Variants in ME3 observed in about 807,000 individuals in gnomAD.
ME3 encodes NADP-dependent malic enzyme, mitochondrial.
A neutral mutation model predicts 68.9 loss-of-function variants in ME3; 48 were observed. That is an observed-to-expected ratio of 0.70 (90% CI 0.55 to 0.89). ME3 has a LOEUF of 0.89. ME3 is among the 40% of genes least tolerant of loss of function. The probability of loss-of-function intolerance (pLI) is 0.00; values close to 1 mark genes in which losing one functional copy is unlikely to be tolerated. For missense variants in ME3, 675 were observed against 797.4 expected, an observed-to-expected ratio of 0.85 and a Z score of 1.85; for synonymous variants, 320 against 318.8, an observed-to-expected ratio of 1.00 and a Z score of -0.04.
intron 2 of ME3, among the ~76,000 whole-genome samples, chr11:86,598,523 G>A (rs1959970131): frequency 6.6e-6 from 1 of 152,194 alleles, no homozygotes; most frequent in African/African-American, 2.4e-5. Context: ...TGGGGGCAGG[G>A]CACAGACAAA....
chr11:86,573,111 C>T (rs755246214), intron 2 of ME3, among the ~76,000 whole-genome samples: 2 of 152,154 alleles, frequency 1.3e-5, no homozygotes, highest in Non-Finnish European at 2.9e-5. Context: ...ACTTTGCCCA[C>T]TTTTTGATGG....
intron 4 of ME3, among the ~76,000 whole-genome samples, chr11:86,538,269 T>A (rs1955820377): frequency 6.6e-6 from 1 of 152,114 alleles, no homozygotes; most frequent in East Asian, 1.9e-4. Context: ...TAGAATAGAT[T>A]CAGGTTTGAA....
intron 11 of ME3, 104 bp downstream of exon 11, chr11:86,448,046 T>C: frequency 1.4e-6 from 1 of 739,604 alleles, no homozygotes. Context: ...GGGAAAGAGC[T>C]GTTTCCATGG....
chr11:86,646,071 G>A (rs1944991948), intron 2 of ME3, among the ~76,000 whole-genome samples: 1 of 152,170 alleles, frequency 6.6e-6, no homozygotes, highest in Admixed American at 6.5e-5. Context: ...AAGACCAAAG[G>A]TAGACAAATC....
At chr11:86,448,380 G>T in intron 10 of ME3, 125 bp from the exon 11 acceptor site, 2 of 684,164 alleles carry the variant, frequency 2.9e-6, no homozygotes, top group Non-Finnish European at 5.1e-6. Context: ...GCTGTCAGAT[G>T]TTTTGGGGCC....
At chr11:86,665,711 T>A (rs752032805) in intron 2 of ME3, among the ~76,000 whole-genome samples, 5 of 152,164 alleles carry the variant, frequency 3.3e-5, no homozygotes, top group Non-Finnish European at 5.9e-5. Flanking sequence ...GCTGCAGGCA[T>A]TAAGCAGAGA....
intron 4 of ME3, among the ~76,000 whole-genome samples, chr11:86,509,923 T>C (rs1464583774): frequency 1.3e-5 from 2 of 152,292 alleles, no homozygotes; most frequent in Non-Finnish European, 1.5e-5. Context: ...CCAGAGTCCA[T>C]AGAATCTAGG....
chr11:86,653,594 T>C (rs149588943), intron 2 of ME3, among the ~76,000 whole-genome samples: 5,959 of 152,194 alleles, frequency 0.039, 151 homozygotes, highest in Non-Finnish European at 0.059. Context: ...ACATTCAAAG[T>C]AGTGCGTAGA....
chr11:86,544,128 C>G (rs187009669), intron 4 of ME3, among the ~76,000 whole-genome samples: 66 of 152,222 alleles, frequency 4.3e-4, no homozygotes, highest in Non-Finnish European at 8.4e-4. Context: ...ACACAACGTA[C>G]CAGAATCTCT....
At chr11:86,652,123 ATGCC>A (rs1565275457) in intron 2 of ME3, among the ~76,000 whole-genome samples, 1 of 152,214 alleles carries the variant, frequency 6.6e-6, no homozygotes, top group Non-Finnish European at 1.5e-5. Flanking sequence ...TCTGACTGGT[ATGCC>A]TGAAAGTGAT....
chr11:86,435,729 C>G, the ME3 span: 3 of 152,216 alleles, frequency 2.0e-5, no homozygotes, highest in Non-Finnish European at 4.4e-5. Flanking sequence ...CAGGATAGGG[C>G]ATAAGAAGTT....
intron 13 of ME3, among the ~76,000 whole-genome samples, chr11:86,445,681 C>G (rs1220851241): frequency 6.6e-6 from 1 of 152,148 alleles, no homozygotes; most frequent in African/African-American, 2.4e-5. Flanking sequence ...TATCAATAAC[C>G]ATGAGTGTGA....
At chr11:86,650,221 T>C (rs571536275) in intron 2 of ME3, among the ~76,000 whole-genome samples, 1 of 152,290 alleles carries the variant, frequency 6.6e-6, no homozygotes, top group East Asian at 1.9e-4. Flanking sequence ...GATTCCCTAC[T>C]TAATAAATGG....
At position 86,556,231 on chromosome 11, in the gene ME3, A is replaced by C. The variant is rs376231355; in HGVS notation, c.467+322T>G. Among the ~76,000 whole-genome samples, 3 of 152,346 alleles carry C rather than the reference A, an allele frequency of 2.0e-5. No individual in the cohort carries two copies. In the East Asian group the frequency reaches 5.8e-4, roughly 29 times the overall value. The stretch of plus-strand genomic sequence containing the variant: ...AGCTGTTGGTACTTTGGAGGTGACC[A>C]GAGGGGGTGAGAGAAGTGACAGGTA... On this transcript the variant is annotated intron_variant, in intron 4 of 14. Transcript: ENST00000543262.
At chr11:86,538,125 GGAAT>G (rs1000164281) in intron 4 of ME3, among the ~76,000 whole-genome samples, 26 of 152,302 alleles carry the variant, frequency 1.7e-4, no homozygotes, top group African/African-American at 6.0e-4. Flanking sequence ...ATTCACTTTA[GGAAT>G]GTGTTTGCTT....
intron 4 of ME3, among the ~76,000 whole-genome samples, chr11:86,521,032 C>A (rs1305488984): frequency 6.6e-6 from 1 of 152,166 alleles, no homozygotes; most frequent in Non-Finnish European, 1.5e-5. Context: ...CAAATCCAAC[C>A]CTTATTTATT....
At chr11:86,625,809 C>G (rs972087864) in intron 2 of ME3, among the ~76,000 whole-genome samples, 2 of 152,166 alleles carry the variant, frequency 1.3e-5, no homozygotes, top group Non-Finnish European at 2.9e-5. Flanking sequence ...TGTCTGAGTT[C>G]AAGGTCTGGT....
In ME3 at chr11:86,463,691, C is replaced by T. The variant is rs527999407; in HGVS notation, c.919+1400G>A. On this transcript the variant is annotated intron_variant, in intron 8 of 14. Transcript: ENST00000543262. ...TAAATTTTCTAATAGTGTGTTCTAA[C>T]TGTGCTATCTTGCCTCTTGAAAATG... Among the ~76,000 whole-genome samples the T allele has an allele frequency of 1.2e-4, 18 of 152,340 alleles. 1 individual carries two copies. In the South Asian group the frequency reaches 3.1e-3, roughly 26 times the overall value.
chr11:86,466,118 A>G (rs527842925), intron 7 of ME3, among the ~76,000 whole-genome samples: 5 of 152,230 alleles, frequency 3.3e-5, no homozygotes, highest in South Asian at 4.2e-4. Context: ...TCCTTTTAAC[A>G]TTGCCTGTAA....
Sources: gnomAD v4.1 joint callset for allele counts (sites outside exome capture counted in the v4.1 genomes callset) on GRCh38, gnomAD v4.1.1 for gene constraint, MANE v1.5 for transcripts, NCBI Gene and HGNC (gene_info 2026-07-23, HGNC 2026-07-21) for gene names.